The following GAN variants were observed in gnomAD, a reference collection of about 807,000 sequenced individuals.
GAN encodes the protein epididymis secretory sperm binding protein.
In GAN, 48 loss-of-function variants were observed where a neutral mutation model predicts 71.3. That is an observed-to-expected ratio of 0.67 (90% CI 0.53 to 0.86). The LOEUF is 0.86. GAN is among the 40% of genes least tolerant of loss of function. The pLI is 0.00. For missense variants in GAN, 928 were observed against 770.1 expected, an observed-to-expected ratio of 1.21 and a Z score of -2.43; for synonymous variants, 386 against 276.8, an observed-to-expected ratio of 1.39 and a Z score of -3.92.
rs1469934642 is a variant in GAN, at chr16:81,383,680, T to A, written c.*6084T>A. 6.6e-6 allele frequency: 1 copy of A among 152,070 alleles called. No individual in the cohort carries two copies. The highest frequency in any genetic ancestry group is 1.5e-5 in the Non-Finnish European group (1 of 68,008). 9.4% of individuals were successfully genotyped at this position (152,070 alleles called of 1,614,324 possible). The stretch of plus-strand genomic sequence containing the variant: ...TCAACAAAGTTGTTGAGCTTCCTTC[T>A]GTGCACACATTGAAAGAAAACCAGA... On this transcript the variant is annotated 3_prime_UTR_variant, in exon 11 of 11. Transcript: ENST00000648994.
chr16:81,342,011 C>G (rs770648034), intron 1 of GAN, among the ~76,000 whole-genome samples: 5 of 152,068 alleles, frequency 3.3e-5, no homozygotes, highest in Non-Finnish European at 5.9e-5. Flanking sequence ...GACTTTAAAC[C>G]AACAAAGATC....
rs758807860 is a variant in GAN at position 81,377,311 on chromosome 16, T to C, written c.1595T>C (p.Ile532Thr). 3.1e-6 allele frequency: 5 copies of C among 1,597,192 alleles called. No individual in the cohort carries two copies. Among genetic ancestry groups the C allele is most frequent in the African/African-American group, 1.3e-5 (1 of 74,722 alleles). ...AVPIGASIYV[I>T]GDLDTGTNYD... ...CCTATAGGAGCCAGTATTTATGTTA[T>C]TGGAGATCTTGATACAGGTAAGAGT... The change falls in exon 10 of 11, where the codon ATT becomes ACT. Residue 532 changes from isoleucine (I) to threonine (T), a missense_variant. By Grantham distance (89) the Ile-to-Thr change is moderately conservative (BLOSUM62 -1). Transcript: ENST00000648994.
In GAN at chr16:81,384,029, A is replaced by G. The variant is rs964869686; in HGVS notation, c.*6433A>G. The G allele has an allele frequency of 2.0e-5, 3 of 152,212 alleles. No individual in the cohort carries two copies. The highest frequency in any genetic ancestry group is 7.2e-5 in the African/African-American group (3 of 41,458). The allele number at this position is 152,212 out of a possible 1,614,324, so 9.4% of individuals were successfully genotyped here. A position where few individuals can be genotyped will look rare whatever the true frequency, so the allele number is the denominator to read the frequency against. ...CTTGGGTTAAATTTTTTCAAGTTAT[A>G]CCAGTCAACTTGGTTTAAATACAAC... On this transcript the variant is annotated 3_prime_UTR_variant, in exon 11 of 11. Transcript: ENST00000648994.
intron 6 of GAN, among the ~76,000 whole-genome samples, chr16:81,362,972 C>G (rs1910728876): frequency 6.6e-6 from 1 of 152,212 alleles, no homozygotes; most frequent in South Asian, 2.1e-4. Flanking sequence ...TCTCACGGAC[C>G]AGGCATTTAA....
chr16:81,375,351 T>C (rs1429238954), intron 9 of GAN, among the ~76,000 whole-genome samples: 1 of 148,224 alleles, frequency 6.7e-6, no homozygotes, highest in Non-Finnish European at 1.5e-5. Context: ...TTTTTTTTTT[T>C]TTTTTGAGAC....
intron 1 of GAN, among the ~76,000 whole-genome samples, chr16:81,316,088 G>A (rs1909029488): frequency 6.6e-6 from 1 of 152,136 alleles, no homozygotes; most frequent in African/African-American, 2.4e-5. Context: ...AACTAACCAG[G>A]TTAATTAAAA....
chr16:81,372,935 G>A (rs965242343), intron 9 of GAN, among the ~76,000 whole-genome samples: 12 of 152,164 alleles, frequency 7.9e-5, no homozygotes, highest in Non-Finnish European at 1.5e-4. Flanking sequence ...GCCAAAATCT[G>A]TATCCCAGTC....
At chr16:81,376,326 T>C (rs1904279495) in intron 9 of GAN, among the ~76,000 whole-genome samples, 1 of 152,076 alleles carries the variant, frequency 6.6e-6, no homozygotes, top group African/African-American at 2.4e-5. Context: ...GGTGAATGAA[T>C]AACAAATTCT....
chr16:81,327,851 A>G (rs1225861835), intron 1 of GAN, among the ~76,000 whole-genome samples: 2 of 152,238 alleles, frequency 1.3e-5, no homozygotes, highest in Non-Finnish European at 2.9e-5. Context: ...TCTTAAGGTT[A>G]TATAGAAAGA....
chr16:81,365,184 C>A, intron 8 of GAN, 74 bp downstream of exon 8: 2 of 1,575,342 alleles, frequency 1.3e-6, no homozygotes, highest in Non-Finnish European at 1.7e-6. Flanking sequence ...CCCTGCCTGG[C>A]TTTTGTTCTT....
chr16:81,351,273 C>T (rs1043752177), intron 1 of GAN, among the ~76,000 whole-genome samples: 2 of 152,130 alleles, frequency 1.3e-5, no homozygotes, highest in Non-Finnish European at 2.9e-5. Context: ...GAATTCAATA[C>T]ATTAGAAAAT....
In GAN at chr16:81,384,531, G is replaced by C. The variant is rs755305543; in HGVS notation, c.*6935G>C. ...ATCAGACAAGAAAATGTGTCTATCTGTCATCTGACCCAGTATTTGGGATTT... is the reference window on the plus strand; with the variant it reads ...ATCAGACAAGAAAATGTGTCTATCTCTCATCTGACCCAGTATTTGGGATTT... On this transcript the variant is annotated 3_prime_UTR_variant, in exon 11 of 11. Transcript: ENST00000648994. 4.9e-4 allele frequency: 74 copies of C among 152,086 alleles called. No individual in the cohort carries two copies. Among genetic ancestry groups the C allele is most frequent in the Non-Finnish European group, 2.6e-4 (18 of 68,008 alleles). 9.4% of individuals were successfully genotyped at this position (152,086 alleles called of 1,614,324 possible). A position where few individuals can be genotyped will look rare whatever the true frequency, so the allele number is the denominator to read the frequency against.
At chr16:81,350,137 T>G (rs1910249931) in intron 1 of GAN, among the ~76,000 whole-genome samples, 2 of 152,160 alleles carry the variant, frequency 1.3e-5, no homozygotes, top group Admixed American at 6.5e-5. Flanking sequence ...GTTAAATGAT[T>G]AGTATCACAA....
chr16:81,352,694 A>C (rs945440021), intron 2 of GAN, among the ~76,000 whole-genome samples: 4 of 151,998 alleles, frequency 2.6e-5, no homozygotes, highest in African/African-American at 9.7e-5. Context: ...TCCTTTTTGA[A>C]GGTTTTGGTT....
chr16:81,334,555 T>C (rs1909691285), intron 1 of GAN, among the ~76,000 whole-genome samples: 1 of 152,200 alleles, frequency 6.6e-6, no homozygotes, highest in African/African-American at 2.4e-5. Flanking sequence ...CCTCCTCCTG[T>C]GGCCAGCCCT....
intron 5 of GAN, 51 bp downstream of exon 5, chr16:81,357,982 A>G (rs1910548306): frequency 6.7e-7 from 1 of 1,497,652 alleles, no homozygotes; most frequent in Admixed American, 1.7e-5. Context: ...GTAATGTGTA[A>G]TCTCAAGGTT....
In GAN at chr16:81,382,234, G is replaced by C. The variant is rs973900546; in HGVS notation, c.*4638G>C. On this transcript the variant is annotated 3_prime_UTR_variant, in exon 11 of 11. Transcript: ENST00000648994. ...AACCAAAAGCAGAAGCCAGGTCTTTGGATTATCAGCTCACCAGTCAGCCAG... is the reference window on the plus strand; with the variant it reads ...AACCAAAAGCAGAAGCCAGGTCTTTCGATTATCAGCTCACCAGTCAGCCAG... The C allele has an allele frequency of 1.3e-5, 2 of 152,066 alleles. No homozygotes were observed. Among genetic ancestry groups the C allele is most frequent in the African/African-American group, 2.4e-5 (1 of 41,388 alleles). The allele number at this position is 152,066 out of a possible 1,614,324, so 9.4% of individuals were successfully genotyped here.
chr16:81,370,183 T>C (rs568452783), intron 9 of GAN, among the ~76,000 whole-genome samples: 2 of 152,254 alleles, frequency 1.3e-5, no homozygotes, highest in Non-Finnish European at 2.9e-5. Context: ...TCCACAGAGA[T>C]TTTAATCATC....
In GAN at chr16:81,351,658, G is replaced by A. The variant is rs1287601211; in HGVS notation, c.243G>A (p.Met81Ile). The A allele has an allele frequency of 1.9e-6, 3 of 1,549,648 alleles. No homozygotes were observed. The highest frequency in any genetic ancestry group is 1.1e-5 in the South Asian group (1 of 89,750). ...YKIELEGISV[M>I]VMREILDYIF... ...TTGAACTTGAAGGGATATCGGTAAT[G>A]GTTATGAGAGAGATCCTGGATTACA... Residue 81 changes from methionine to isoleucine, a missense_variant, in exon 2 of 11, where the codon ATG becomes ATA. Physicochemically the swap from Met to Ile is conservative, Grantham distance 10. Coordinates refer to ENST00000648994, the MANE Select transcript of GAN (RefSeq NM_022041.4).
Sources: gnomAD v4.1 joint callset for allele counts (sites outside exome capture counted in the v4.1 genomes callset) on GRCh38, gnomAD v4.1.1 for gene constraint, MANE v1.5 for transcripts, NCBI Gene and HGNC (gene_info 2026-07-23, HGNC 2026-07-21) for gene names.